Variants in MCHR2 observed in about 807,000 individuals in gnomAD.
MCHR2 encodes melanin-concentrating hormone receptor 2.
In MCHR2, 15 loss-of-function variants were observed where a neutral mutation model predicts 24.8. The observed-to-expected ratio is 0.60, with a 90% CI of 0.40 to 0.93. The LOEUF (loss-of-function observed/expected upper bound fraction) is 0.93, where lower values mean the gene tolerates loss of function less well. Among genes scored for constraint, MCHR2 ranks in the 40% least tolerant of loss-of-function variants. MCHR2 has a pLI of 0.00. For synonymous variants in MCHR2, 151 were observed against 147.6 expected, an observed-to-expected ratio of 1.02 and a Z score of -0.17; for missense variants, 386 against 408.7, an observed-to-expected ratio of 0.94 and a Z score of 0.48.
intron 1 of MCHR2, among the ~76,000 whole-genome samples, chr6:99,971,996 C>A (rs1562131642): frequency 6.6e-6 from 1 of 152,182 alleles, no homozygotes; most frequent in Non-Finnish European, 1.5e-5. Context: ...CATCAATGTT[C>A]ATCAAGGATA....
intron 5 of MCHR2, among the ~76,000 whole-genome samples, chr6:99,931,756 T>C (rs2114500526): frequency 6.6e-6 from 1 of 152,250 alleles, no homozygotes; most frequent in East Asian, 1.9e-4. Context: ...TTTCTTTGAC[T>C]AGGAAAGGGA....
chr6:99,929,658 A>C (rs1242095018), intron 5 of MCHR2, among the ~76,000 whole-genome samples: 1 of 152,018 alleles, frequency 6.6e-6, no homozygotes, highest in Non-Finnish European at 1.5e-5. Flanking sequence ...CTAGGATTGC[A>C]ACCCCTGCCT....
intron 1 of MCHR2, among the ~76,000 whole-genome samples, chr6:99,968,965 T>C (rs556177838): frequency 6.6e-6 from 1 of 152,258 alleles, no homozygotes; most frequent in East Asian, 1.9e-4. Context: ...ATGACACAGC[T>C]AAAGCAGGGC....
intron 1 of MCHR2, among the ~76,000 whole-genome samples, chr6:99,968,218 C>A (rs1247874721): frequency 1.3e-5 from 2 of 152,092 alleles, no homozygotes; most frequent in Non-Finnish European, 2.9e-5. Flanking sequence ...TGAACCAAGA[C>A]AGGGCTGAGG....
chr6:99,954,794 A>T (rs2114539397), intron 2 of MCHR2, among the ~76,000 whole-genome samples: 1 of 152,254 alleles, frequency 6.6e-6, no homozygotes, highest in East Asian at 1.9e-4. Context: ...TGGCTGAGAG[A>T]GTGACGCCTT....
intron 2 of MCHR2, among the ~76,000 whole-genome samples, chr6:99,953,214 T>C (rs1774997979): frequency 6.6e-6 from 1 of 152,152 alleles, no homozygotes; most frequent in Admixed American, 6.6e-5. Context: ...TTCAACAGCT[T>C]GTCACAAGAG....
At chr6:99,955,210 G>C (rs1775036553) in intron 2 of MCHR2, among the ~76,000 whole-genome samples, 1 of 152,166 alleles carries the variant, frequency 6.6e-6, no homozygotes, top group African/African-American at 2.4e-5. Context: ...AATATACCAA[G>C]TAGCTATAGG....
chr6:99,935,810 AC>A (rs1288630031), intron 4 of MCHR2, among the ~76,000 whole-genome samples: 1 of 151,862 alleles, frequency 6.6e-6, no homozygotes, highest in Non-Finnish European at 1.5e-5. Context: ...ATATATTCCC[AC>A]CGACAATGTA....
intron 1 of MCHR2, among the ~76,000 whole-genome samples, chr6:99,973,381 G>A (rs377060737): frequency 6.6e-6 from 1 of 151,906 alleles, no homozygotes; most frequent in South Asian, 2.1e-4. Flanking sequence ...GACTAGGATT[G>A]CAACCTCTGC....
intron 1 of MCHR2, among the ~76,000 whole-genome samples, chr6:99,977,903 T>C (rs1271606876): frequency 6.6e-6 from 1 of 152,234 alleles, no homozygotes; most frequent in African/African-American, 2.4e-5. Flanking sequence ...GATGTTAATA[T>C]TCAATCTTGG....
At chr6:99,936,831 TC>T (rs1234904930) in intron 4 of MCHR2, among the ~76,000 whole-genome samples, 7 of 151,812 alleles carry the variant, frequency 4.6e-5, no homozygotes, top group Non-Finnish European at 1.0e-4. Context: ...ACACGGAATA[TC>T]CTTTTTTGTG....
chr6:99,958,290 A>C (rs1775107303), intron 1 of MCHR2, among the ~76,000 whole-genome samples: 2 of 151,832 alleles, frequency 1.3e-5, no homozygotes, highest in Admixed American at 1.3e-4. Context: ...TAAATGGAAA[A>C]ACCAATCTCA....
chr6:99,989,830 TAATAGTACACA>T, intron 1 of MCHR2, among the ~76,000 whole-genome samples: 1 of 152,294 alleles, frequency 6.6e-6, no homozygotes, highest in East Asian at 1.9e-4. Context: ...TGAAATGCCT[TAATAGTACACA>T]ATTTTATAAC....
intron 5 of MCHR2, among the ~76,000 whole-genome samples, chr6:99,926,469 T>C: frequency 7.4e-6 from 1 of 134,272 alleles, no homozygotes; most frequent in South Asian, 2.5e-4. Flanking sequence ...AAAGTGTTCC[T>C]ATTTCTCCAC....
chr6:99,944,656 C>T (rs12215494), intron 3 of MCHR2, among the ~76,000 whole-genome samples: 43,904 of 151,904 alleles, frequency 0.29, 7,400 homozygotes, highest in Admixed American at 0.41. Context: ...CTCCCTGCTG[C>T]GGAAGTGGAT....
chr6:99,936,478 C>T (rs1562120584), intron 4 of MCHR2, among the ~76,000 whole-genome samples: 1 of 151,350 alleles, frequency 6.6e-6, no homozygotes, highest in Non-Finnish European at 1.5e-5. Context: ...ATTCTTGGCT[C>T]CTTTGATGAA....
At chr6:99,923,436 A>T (rs1774282489) in intron 5 of MCHR2, among the ~76,000 whole-genome samples, 1 of 152,094 alleles carries the variant, frequency 6.6e-6, no homozygotes, top group African/African-American at 2.4e-5. Context: ...GTTAAATAAC[A>T]GTGGTGAAAG....
chr6:99,928,448 C>T (rs1774422549), intron 5 of MCHR2, among the ~76,000 whole-genome samples: 1 of 152,062 alleles, frequency 6.6e-6, no homozygotes. Context: ...TAGAATTCGG[C>T]TGTGAATCCA....
chr6:99,945,086 A>G (rs966532316), intron 3 of MCHR2, among the ~76,000 whole-genome samples: 12 of 152,262 alleles, frequency 7.9e-5, no homozygotes, highest in African/African-American at 2.6e-4. Flanking sequence ...AGGAGACTCT[A>G]CTTTTCCCTC....
Sources: allele counts gnomAD v4.1 joint callset (sites outside exome capture counted in the v4.1 genomes callset), GRCh38; gene constraint gnomAD v4.1.1; transcripts MANE v1.5; gene names NCBI Gene and HGNC (gene_info 2026-07-23, HGNC 2026-07-21).